The following MYH9 variants were observed in gnomAD, a reference collection of about 807,000 sequenced individuals.
MYH9 encodes myosin-9.
A neutral mutation model predicts 241.9 loss-of-function variants in MYH9; 29 were observed. That is an observed-to-expected ratio of 0.12 (90% confidence interval 0.09 to 0.16). The LOEUF is 0.16. Among genes scored for constraint, MYH9 ranks in the 10% least tolerant of loss-of-function variants. The pLI is 1.00. For synonymous variants in MYH9, 1,047 were observed against 1,062.6 expected (o/e 0.99, Z 0.29); for missense variants, 1,803 against 2,595.5 (o/e 0.69, Z 6.63).
chr22:36,370,155 G>A (rs1431805403), intron 1 of MYH9, among the ~76,000 whole-genome samples: 1 of 152,124 alleles, frequency 6.6e-6, no homozygotes, highest in African/African-American at 2.4e-5. Context: ...GAAAACTGAG[G>A]CACAAAGAAA....
Position 36,326,580 on chromosome 22 carries a change from G to C in MYH9, c.600C>G (p.Ser200Arg). 6.2e-7 allele frequency: 1 copy of C among 1,614,180 alleles called. No homozygotes were observed. Among genetic ancestry groups the C allele is most frequent in the Non-Finnish European group, 8.5e-7 (1 of 1,179,988 alleles). The change falls in exon 5 of 41, where the codon AGC becomes AGG. Residue 200 changes from serine (S) to arginine (R), a missense_variant. By Grantham distance (110) the Ser-to-Arg change is moderately radical (BLOSUM62 -1). Around this residue, in one of 11 missense-constraint regions of MYH9, gnomAD observed 222 missense variants for 359.9 expected, o/e 0.62. Transcript: ENST00000216181. ...YLAYVASSHKSKKDQGELERQ... is the reference protein window; with the variant it reads ...YLAYVASSHKRKKDQGELERQ... Reference sequence around the variant, plus strand: ...CTGCAGCACTCACCTGGTCCTTCTTGCTCTTGTGCGAGGACGCCACGTACG... The same window carrying C: ...CTGCAGCACTCACCTGGTCCTTCTTCCTCTTGTGCGAGGACGCCACGTACG...
chr22:36,346,146 C>T (rs2017674759), intron 2 of MYH9, among the ~76,000 whole-genome samples: 1 of 111,632 alleles, frequency 9.0e-6, no homozygotes, highest in African/African-American at 3.8e-5. Flanking sequence ...AGTGAGACTC[C>T]GTCTCAAAAA....
At chr22:36,361,677 C>T (rs1427788977) in intron 1 of MYH9, among the ~76,000 whole-genome samples, 1 of 152,110 alleles carries the variant, frequency 6.6e-6, no homozygotes, top group Non-Finnish European at 1.5e-5. Flanking sequence ...AGGAGATAAA[C>T]TGGGGCAGCT....
At chr22:36,381,515 CAA>C (rs772541129) in intron 1 of MYH9, among the ~76,000 whole-genome samples, 19 of 124,502 alleles carry the variant, frequency 1.5e-4, no homozygotes, top group Admixed American at 3.3e-4. Context: ...GACTCCATCT[CAA>C]AAAAAAAAAA....
intron 31 of MYH9, among the ~76,000 whole-genome samples, chr22:36,290,480 G>A (rs62232665): frequency 0.057 from 8,752 of 152,238 alleles, 343 homozygotes; most frequent in Middle Eastern, 0.11. Flanking sequence ...GTGCAGTGGC[G>A]TGATCTCGGC....
In MYH9 at chr22:36,350,431, G is replaced by A. The variant is rs190443978; in HGVS notation, c.-19-1176C>T. Among the ~76,000 whole-genome samples, 3 of 152,348 alleles carry A rather than the reference G, an allele frequency of 2.0e-5. No homozygotes were observed. The East Asian group carries it at 5.8e-4, about 29-fold the overall frequency. ...GCATGCCTGTAATCCTAGCTGCTCA[G>A]GAGGCTGAGGCAGGAGAATCACTTG... On this transcript the variant is annotated intron_variant, in intron 1 of 40. Transcript: ENST00000216181.
Position 36,298,953 on chromosome 22 carries a change from C to A in MYH9, c.3066G>T (p.Lys1022Asn), listed in dbSNP as rs767919752. 6.2e-7 allele frequency: 1 copy of A among 1,614,164 alleles called. No individual in the cohort carries two copies. The highest frequency in any genetic ancestry group is 1.1e-5 in the South Asian group (1 of 91,076). ...CAGTGATCATTGCCTCATGCTTGTTCTTGAGCTTGGCGAGGCTCTTAGATT... is the reference window on the plus strand; with the variant it reads ...CAGTGATCATTGCCTCATGCTTGTTATTGAGCTTGGCGAGGCTCTTAGATT... The part of the protein sequence containing the change: ...EEKSKSLAKL[K>N]NKHEAMITDL... The change falls in exon 24 of 41, where the codon AAG (lysine) becomes AAT (asparagine). Residue 1022 changes from lysine (K) to asparagine (N), a missense_variant. This residue lies in a region of MYH9 where 290 missense variants were observed against 360.5 expected (regional missense o/e 0.80). Coordinates refer to ENST00000216181, the MANE Select transcript of MYH9 (RefSeq NM_002473.6).
chr22:36,316,261 T>C lies in MYH9; in HGVS notation c.1380+256A>G, dbSNP rs5756149. On this transcript the variant is annotated intron_variant, in intron 12 of 40. Coordinates refer to ENST00000216181, the MANE Select transcript of MYH9 (RefSeq NM_002473.6). ...GTTGGTCAGGCTGGTCTCAAACTCC[T>C]GACCTCAAGCAATCTGCCGGCCTTG... Among the ~76,000 whole-genome samples, 80,027 of 150,126 alleles carry C rather than the reference T, an allele frequency of 0.53. 23,804 individuals carry two copies. Among genetic ancestry groups the C allele is most frequent in the Non-Finnish European group, 0.68 (45,717 of 67,592 alleles).
rs1350431268 is a variant in MYH9, at chr22:36,293,815, A to T, written c.3886T>A (p.Ser1296Thr). The change falls in exon 29 of 41, where the codon TCC becomes ACC. Residue 1296 changes from serine (S) to threonine (T), a missense_variant. Coordinates refer to ENST00000216181, the MANE Select transcript of MYH9 (RefSeq NM_002473.6). The surrounding 1 kb of genome is among the most constrained non-coding windows in gnomAD (Gnocchi z 5.1). Reference protein sequence around the residue: ...TGLLSQSDSKSSKLTKDFSAL... With the variant: ...TGLLSQSDSKTSKLTKDFSAL... Reference sequence around the variant, plus strand: ...GAGAAGTCCTTGGTGAGCTTGCTGGACTTGCTGTCGGACTGGCTGAGAAGC... The same window carrying T: ...GAGAAGTCCTTGGTGAGCTTGCTGGTCTTGCTGTCGGACTGGCTGAGAAGC... The T allele has an allele frequency of 1.2e-6, 2 of 1,613,762 alleles. No individual in the cohort carries two copies. Among genetic ancestry groups the T allele is most frequent in the East Asian group, 4.5e-5 (2 of 44,874 alleles).
Position 36,284,206 on chromosome 22 carries a change from C to G in MYH9, c.5652G>C (p.Glu1884Asp), listed in dbSNP as rs761463265. The G allele has an allele frequency of 1.2e-6, 2 of 1,613,252 alleles. No individual in the cohort carries two copies. The highest frequency in any genetic ancestry group is 1.7e-6 in the Non-Finnish European group (2 of 1,179,784). The change falls in exon 40 of 41, where the codon GAG (glutamate) becomes GAC (aspartate). Residue 1884 changes from glutamate to aspartate, a missense_variant. This residue lies in a region of MYH9 where 876 missense variants were observed against 1,077.8 expected (regional missense o/e 0.81). Transcript: ENST00000216181. ...GGGAGGCGTTGGCCCGCTGGGCCTC[C>G]TCTTCGGCCTCCTCCAGCTGCCGCT... The part of the protein sequence containing the change: ...QLKRQLEEAE[E>D]EAQRANASRR...
chr22:36,304,264 C>G, intron 18 of MYH9, 109 bp from the exon 19 acceptor site: 1 of 1,191,458 alleles, frequency 8.4e-7, no homozygotes, highest in East Asian at 2.4e-5. Context: ...TTCTCACTGG[C>G]TGACGAGCAT....
rs144249178 is a variant in MYH9, at chr22:36,359,290, T to C, written c.-19-10035A>G. Among the ~76,000 whole-genome samples the C allele has an allele frequency of 1.2e-4, 19 of 152,232 alleles. No individual in the cohort carries two copies. In the East Asian group the frequency reaches 3.5e-3, roughly 28 times the overall value. On this transcript the variant is annotated intron_variant, in intron 1 of 40. Transcript: ENST00000216181. ...CCAGAGCAGGTGCTCAGTTAAAGTG[T>C]CCTGAATGAATAAATGAGAAACAAG...
intron 31 of MYH9, 55 bp downstream of exon 31, chr22:36,291,931 G>A: frequency 1.9e-6 from 3 of 1,612,262 alleles, no homozygotes; most frequent in Non-Finnish European, 2.5e-6. Flanking sequence ...CCTTTGCTTT[G>A]GACTCAGTGC....
chr22:36,327,264 T>C (rs1198980756), intron 4 of MYH9, among the ~76,000 whole-genome samples, 197 bp downstream of exon 4: 5 of 152,200 alleles, frequency 3.3e-5, no homozygotes, highest in South Asian at 2.1e-4. Flanking sequence ...ATGATTGAAA[T>C]TGAGCTCATC....
chr22:36,332,026 C>A (rs892733418), intron 3 of MYH9, among the ~76,000 whole-genome samples: 1 of 152,148 alleles, frequency 6.6e-6, no homozygotes, highest in African/African-American at 2.4e-5. Flanking sequence ...CACTGTGAGC[C>A]CTGCCCTGCG....
In MYH9 at chr22:36,319,598, G is replaced by A. The variant is rs1251016110; in HGVS notation, c.1050C>T (p.Gly350=). 1 of 1,614,090 alleles carries A rather than the reference G, an allele frequency of 6.2e-7. No individual in the cohort carries two copies. Among genetic ancestry groups the A allele is most frequent in the Non-Finnish European group, 8.5e-7 (1 of 1,180,024 alleles). Residue 350 remains glycine (G), a synonymous_variant, in exon 10 of 41, where the codon GGC becomes GGT. Transcript: ENST00000216181. ...LRVISGVLQL[G]NIVFKKERNT... is the part of the protein sequence containing the mutation. Reference sequence around the variant, plus strand: ...TCCGCTCCTTCTTGAAGACGATGTTGCCGAGCTGAAGAACCCCTGAGATGA... The same window carrying A: ...TCCGCTCCTTCTTGAAGACGATGTTACCGAGCTGAAGAACCCCTGAGATGA...
intron 5 of MYH9, among the ~76,000 whole-genome samples, 196 bp from the exon 6 acceptor site, chr22:36,322,717 C>T (rs1378011011): frequency 6.6e-6 from 1 of 152,270 alleles, no homozygotes; most frequent in Non-Finnish European, 1.5e-5. Flanking sequence ...GCCTTCCCGC[C>T]AGGCTTTGGA....
chr22:36,292,562 G>A (rs1420479418), intron 30 of MYH9, among the ~76,000 whole-genome samples: 8 of 152,192 alleles, frequency 5.3e-5, no homozygotes, highest in Admixed American at 5.2e-4. Context: ...CCTGTAGGGT[G>A]TCCACGGGGT....
intron 3 of MYH9, among the ~76,000 whole-genome samples, chr22:36,335,613 C>T (rs1213106033): frequency 6.6e-6 from 1 of 152,224 alleles, no homozygotes; most frequent in African/African-American, 2.4e-5. Flanking sequence ...GACAGTTCCA[C>T]AGGAGACACA....
Sources: allele counts gnomAD v4.1 joint callset (sites outside exome capture counted in the v4.1 genomes callset), GRCh38; gene constraint gnomAD v4.1.1; regional missense constraint gnomAD v4.1.1; non-coding constraint Gnocchi (gnomAD v3.1); transcripts MANE v1.5; gene names NCBI Gene and HGNC (gene_info 2026-07-23, HGNC 2026-07-21).